The following MNAT1 variants were observed in gnomAD, a reference collection of about 807,000 sequenced individuals.
MNAT1 encodes CDK-activating kinase assembly factor MAT1.
In MNAT1, 43 loss-of-function variants were observed where a neutral mutation model predicts 42.0. The ratio of observed to expected loss-of-function variants is 1.02; its 90% CI spans 0.80 to 1.32. The LOEUF is 1.32. Among genes scored for constraint, MNAT1 ranks in the 40% most tolerant of loss-of-function variants. The pLI is 0.00. For synonymous variants in MNAT1, 118 were observed against 120.0 expected (o/e 0.98, Z 0.11); for missense variants, 306 against 350.4 (o/e 0.87, Z 1.01).
chr14:60,740,537 A>T lies in MNAT1; in HGVS notation c.89+5586A>T, dbSNP rs1465425502. ...AGATTAAGTTTGAATTTATTTGTTG[A>T]TAAGAATAATAAGTGGTGTTAACTC... is the stretch of plus-strand genomic sequence containing the variant. On this transcript the variant is annotated intron_variant, in intron 1 of 7. Coordinates refer to ENST00000261245, the MANE Select transcript of MNAT1 (RefSeq NM_002431.4). This position sits in a 1 kb window ranked among gnomAD's most constrained non-coding sequence, Gnocchi z 4.1. Among the ~76,000 whole-genome samples, 1 of 152,172 alleles carries T rather than the reference A, an allele frequency of 6.6e-6. No individual in the cohort carries two copies. Among genetic ancestry groups the T allele is most frequent in the African/African-American group, 2.4e-5 (1 of 41,438 alleles).
intron 1 of MNAT1, among the ~76,000 whole-genome samples, chr14:60,766,457 T>C (rs561786197): frequency 4.1e-4 from 63 of 152,204 alleles, no homozygotes; most frequent in Non-Finnish European, 7.8e-4. Context: ...CTCAGGCCTG[T>C]AATCCCAGCA....
At chr14:60,937,014 T>G (rs1369585963) in intron 7 of MNAT1, among the ~76,000 whole-genome samples, 1 of 151,604 alleles carries the variant, frequency 6.6e-6, no homozygotes, top group African/African-American at 2.4e-5. Context: ...TTTGGCTGCA[T>G]AAATGTCTTC....
rs1368553929 is a variant in MNAT1, at chr14:60,734,853, G to A, written c.-10G>A. The A allele has an allele frequency of 1.2e-6, 2 of 1,613,988 alleles. No individual in the cohort carries two copies. Among genetic ancestry groups the A allele is most frequent in the Non-Finnish European group, 1.7e-6 (2 of 1,179,894 alleles). Reference sequence around the variant, plus strand: ...AGGCGCCTGCGAGAGTCTGTAGGAGGGAAACCGCCATGGACGATCAGGGTT... The same window carrying A: ...AGGCGCCTGCGAGAGTCTGTAGGAGAGAAACCGCCATGGACGATCAGGGTT... On this transcript the variant is annotated 5_prime_UTR_variant, in exon 1 of 8. Coordinates refer to ENST00000261245, the MANE Select transcript of MNAT1 (RefSeq NM_002431.4). The surrounding 1 kb of genome is among the most constrained non-coding windows in gnomAD (Gnocchi z 4.3).
chr14:60,879,808 C>T lies in MNAT1; in HGVS notation c.782C>T (p.Pro261Leu). The change falls in exon 7 of 8, where the codon CCT (proline) becomes CTT (leucine). Residue 261 changes from proline to leucine, a missense_variant. Transcript: ENST00000261245. ...LQIETYGPHV[P>L]ELEMLGRLGY... ...ATAGAGACATATGGACCACATGTTC[C>T]TGAGCTTGAGATGCTAGGAAGACTT... 2 of 1,613,074 alleles carry T rather than the reference C, an allele frequency of 1.2e-6. No individual in the cohort carries two copies. Among genetic ancestry groups the T allele is most frequent in the Non-Finnish European group, 1.7e-6 (2 of 1,179,360 alleles).
chr14:60,808,443 A>C lies in MNAT1; in HGVS notation c.420+15A>C, dbSNP rs764323886. The C allele has an allele frequency of 2.1e-6, 3 of 1,413,884 alleles. No individual in the cohort carries two copies. In the South Asian group the frequency reaches 3.9e-5, roughly 18 times the overall value. The allele number at this position is 1,413,884 out of a possible 1,614,324, so 87.6% of individuals were successfully genotyped here. A position where few individuals can be genotyped will look rare whatever the true frequency, so the allele number is the denominator to read the frequency against. On this transcript the variant is annotated intron_variant, in intron 4 of 7. Coordinates refer to ENST00000261245, the MANE Select transcript of MNAT1 (RefSeq NM_002431.4). ...AATTAAAGCTGGTCGGTTGCTAAGT[A>C]TTTTCTTCTTATTTTGTCTTAGAAA...
intron 7 of MNAT1, among the ~76,000 whole-genome samples, chr14:60,899,969 C>T (rs1177543722): frequency 6.6e-6 from 1 of 151,224 alleles, no homozygotes. Flanking sequence ...GTTTTGGTTG[C>T]CACAAACTGT....
intron 1 of MNAT1, among the ~76,000 whole-genome samples, chr14:60,793,720 T>C (rs1376775523): frequency 3.3e-5 from 5 of 152,118 alleles, no homozygotes; most frequent in South Asian, 2.1e-4. Context: ...TTTGTAAATA[T>C]GTAGAAAAAG....
intron 7 of MNAT1, among the ~76,000 whole-genome samples, chr14:60,935,264 CCT>C (rs889204184): frequency 2.0e-5 from 3 of 151,804 alleles, no homozygotes; most frequent in Non-Finnish European, 4.4e-5. Context: ...CCTCTCTCCC[CCT>C]CTCTTTTTTT....
intron 7 of MNAT1, among the ~76,000 whole-genome samples, chr14:60,907,030 G>C (rs961909443): frequency 6.6e-6 from 1 of 151,852 alleles, no homozygotes; most frequent in African/African-American, 2.4e-5. Context: ...AAATTTATAT[G>C]GTTTTGGAAT....
chr14:60,831,419 C>A (rs1594785517), intron 6 of MNAT1, among the ~76,000 whole-genome samples: 1 of 152,242 alleles, frequency 6.6e-6, no homozygotes, highest in South Asian at 2.1e-4. Context: ...TGAGTGAGAA[C>A]ATGTGGTGTT....
chr14:60,761,863 A>C (rs1302994492), intron 1 of MNAT1, among the ~76,000 whole-genome samples: 1 of 152,170 alleles, frequency 6.6e-6, no homozygotes, highest in Non-Finnish European at 1.5e-5. Context: ...TTTTGTAAAT[A>C]ATGGTTTTGT....
intron 1 of MNAT1, among the ~76,000 whole-genome samples, chr14:60,759,184 A>G (rs1168393698): frequency 6.6e-6 from 1 of 152,208 alleles, no homozygotes; most frequent in African/African-American, 2.4e-5. Context: ...TCTGTTATTA[A>G]AGAAATATAA....
intron 6 of MNAT1, among the ~76,000 whole-genome samples, chr14:60,863,180 T>G (rs1350186561): frequency 6.6e-6 from 1 of 152,078 alleles, no homozygotes; most frequent in African/African-American, 2.4e-5. Flanking sequence ...AGAAATAGAA[T>G]GTGGAGAGGC....
intron 1 of MNAT1, among the ~76,000 whole-genome samples, chr14:60,794,660 AAT>A (rs67332094): frequency 3.5e-5 from 1 of 28,634 alleles, no homozygotes; most frequent in African/African-American, 1.4e-4. Context: ...AAAAAAAAAA[AAT>A]ATATATATAT....
intron 3 of MNAT1, among the ~76,000 whole-genome samples, chr14:60,799,875 CA>C (rs1299013645): frequency 6.6e-6 from 1 of 151,848 alleles, no homozygotes; most frequent in African/African-American, 2.4e-5. Context: ...CTTTCTTTAC[CA>C]AAATATAGAA....
At chr14:60,936,282 GGTTT>G (rs1344629306) in intron 7 of MNAT1, among the ~76,000 whole-genome samples, 1 of 152,102 alleles carries the variant, frequency 6.6e-6, no homozygotes, top group Non-Finnish European at 1.5e-5. Context: ...ACAACGTGCA[GGTTT>G]GTTACGTGTG....
At chr14:60,762,705 CAAAAAAAAAA>C (rs33957783) in intron 1 of MNAT1, among the ~76,000 whole-genome samples, 16 of 94,804 alleles carry the variant, frequency 1.7e-4, no homozygotes, top group Non-Finnish European at 7.7e-5. Context: ...GACTCTGTCT[CAAAAAAAAAA>C]AAAAAAAAAA....
At chr14:60,785,136 C>A (rs574342991) in intron 1 of MNAT1, among the ~76,000 whole-genome samples, 4 of 152,200 alleles carry the variant, frequency 2.6e-5, no homozygotes, top group Non-Finnish European at 5.9e-5. Context: ...TGAGCCACCA[C>A]GCCCAGCCAG....
chr14:60,942,443 A>ATTTT (rs71114169), intron 7 of MNAT1, among the ~76,000 whole-genome samples: 11 of 143,232 alleles, frequency 7.7e-5, no homozygotes, highest in African/African-American at 2.6e-4. Flanking sequence ...TTCTCTCTTA[A>ATTTT]TTTTTTTTTT....
Sources: allele counts gnomAD v4.1 joint callset (sites outside exome capture counted in the v4.1 genomes callset), GRCh38; gene constraint gnomAD v4.1.1; non-coding constraint Gnocchi (gnomAD v3.1); transcripts MANE v1.5; gene names NCBI Gene and HGNC (gene_info 2026-07-23, HGNC 2026-07-21).